Variants in ADCY3 observed in about 807,000 individuals in gnomAD.
ADCY3 encodes the protein adenylate cyclase 3, also known as adenylate cyclase type 3.
In ADCY3, 70 loss-of-function variants were observed where a neutral mutation model predicts 119.4. That is an observed-to-expected ratio of 0.59 (90% CI 0.48 to 0.72). The LOEUF is 0.72. Ranked by LOEUF, ADCY3 falls within the 30% of genes least tolerant of loss-of-function variation. The pLI is 0.00. For synonymous variants in ADCY3, 672 were observed against 621.4 expected (o/e 1.08, Z -1.21); for missense variants, 1,238 against 1,541.6 (o/e 0.80, Z 3.30).
rs1339725706 is a variant in ADCY3 at position 24,898,972 on chromosome 2, C to G, written c.675+19341G>C. Among the ~76,000 whole-genome samples the G allele has an allele frequency of 6.6e-6, 1 of 152,160 alleles. No individual in the cohort carries two copies. The highest frequency in any genetic ancestry group is 2.4e-5 in the African/African-American group (1 of 41,434). On this transcript the variant is annotated intron_variant, in intron 2 of 21. Coordinates refer to ENST00000679454, the MANE Select transcript of ADCY3 (RefSeq NM_004036.5). The surrounding 1 kb of genome is among the most constrained non-coding windows in gnomAD (Gnocchi z 4.3). Reference sequence around the variant, plus strand: ...TCCACCACCATTCTCCCTGTTCTCACCACACAACCACGCACTCAATAGCCT... The same window carrying G: ...TCCACCACCATTCTCCCTGTTCTCAGCACACAACCACGCACTCAATAGCCT...
chr2:24,826,200 G>C (rs895933619), intron 15 of ADCY3, 74 bp from the exon 16 acceptor site: 1 of 1,359,214 alleles, frequency 7.4e-7, no homozygotes, highest in African/African-American at 1.4e-5. Context: ...CCTCCAACTA[G>C]ATGGTGCTGC....
rs1558404258 is a variant in ADCY3 at position 24,825,349 on chromosome 2, TGCG to T, written c.2577+693_2577+695del. 2.1e-4 allele frequency among the ~76,000 whole-genome samples: 18 copies of T among 83,860 alleles called. 2 individuals carry two copies. Among genetic ancestry groups the T allele is most frequent in the African/African-American group, 5.9e-4 (9 of 15,248 alleles). The allele number at this position is 83,860 out of a possible 152,430, so 55.0% of individuals were successfully genotyped here. On this transcript the variant is annotated intron_variant, in intron 16 of 21. Transcript: ENST00000679454. ...GTGGTTGTGGCGGGGGGGGGGGGGGTGCGGGGGGGGTGTCTCACTTTGTCACCC... is the reference window on the plus strand; with the variant it reads ...GTGGTTGTGGCGGGGGGGGGGGGGGTGGGGGGGTGTCTCACTTTGTCACCC...
At chr2:24,840,603 T>TG in intron 6 of ADCY3, 1 of 457,842 alleles carries the variant, frequency 2.2e-6, no homozygotes, top group Admixed American at 2.5e-5. Context: ...CTCCATCCCA[T>TG]GGGGGAGGGG....
chr2:24,914,634 C>T (rs572946166), intron 2 of ADCY3, among the ~76,000 whole-genome samples: 2 of 150,898 alleles, frequency 1.3e-5, no homozygotes, highest in South Asian at 4.2e-4. Context: ...AAGACTGTGC[C>T]ATTGCACTCC....
In ADCY3 at chr2:24,841,046, C is replaced by T. The variant is rs539147085; in HGVS notation, c.1196+213G>A. 2.6e-5 allele frequency among the ~76,000 whole-genome samples: 4 copies of T among 152,350 alleles called. No homozygotes were observed. The highest frequency in any genetic ancestry group is 5.9e-5 in the Non-Finnish European group (4 of 68,030). On this transcript the variant is annotated intron_variant, in intron 6 of 21. Coordinates refer to ENST00000679454, the MANE Select transcript of ADCY3 (RefSeq NM_004036.5). The surrounding 1 kb of genome is among the most constrained non-coding windows in gnomAD (Gnocchi z 5.8). Reference sequence around the variant, plus strand: ...TGTGCCCCACAGGCTGGGGGAGCCTCGCAGGTCCCCTGGGCTGTGAGGAAG... The same window carrying T: ...TGTGCCCCACAGGCTGGGGGAGCCTTGCAGGTCCCCTGGGCTGTGAGGAAG...
rs115581952 is a variant in ADCY3, at chr2:24,878,077, C to A, written c.676-5358G>T. ...TATTTATAGATCTTTTTACAAGTTT[C>A]TTAATCCTAAAGTTTTCCTGGAAAT... On this transcript the variant is annotated intron_variant, in intron 2 of 21. Coordinates refer to ENST00000679454, the MANE Select transcript of ADCY3 (RefSeq NM_004036.5). This position sits in a 1 kb window ranked among gnomAD's most constrained non-coding sequence, Gnocchi z 4.0. The A allele has an allele frequency of 2.2e-3, 602 of 275,902 alleles. 1 individual carries two copies. The highest frequency in any genetic ancestry group is 9.5e-3 in the African/African-American group (427 of 44,778). 17.1% of individuals were successfully genotyped at this position (275,902 alleles called of 1,614,324 possible). A position where few individuals can be genotyped will look rare whatever the true frequency, so the allele number is the denominator to read the frequency against.
At chr2:24,825,998 C>CCTGTGGG (rs766866846) in intron 16 of ADCY3, 47 bp downstream of exon 16, 6 of 1,575,794 alleles carry the variant, frequency 3.8e-6, no homozygotes, top group African/African-American at 1.3e-5. Context: ...CTCAGGAGGC[C>CCTGTGGG]CTGTGGGCTG....
chr2:24,891,310 G>T (rs1415463822), intron 2 of ADCY3, among the ~76,000 whole-genome samples: 1 of 152,130 alleles, frequency 6.6e-6, no homozygotes, highest in Non-Finnish European at 1.5e-5. Context: ...GTTTTAAATT[G>T]AGTAGTGTGA....
In ADCY3 at chr2:24,840,177, T is replaced by C. The variant is rs575890636; in HGVS notation, c.1197-146A>G. The C allele has an allele frequency of 2.8e-4, 321 of 1,153,570 alleles. 1 individual carries two copies. Among genetic ancestry groups the C allele is most frequent in the Non-Finnish European group, 3.6e-4 (297 of 833,832 alleles). The allele number at this position is 1,153,570 out of a possible 1,614,324, so 71.5% of individuals were successfully genotyped here. On this transcript the variant is annotated intron_variant, in intron 6 of 21. Coordinates refer to ENST00000679454, the MANE Select transcript of ADCY3 (RefSeq NM_004036.5). ...AAGGTCCCCACAGCTTGGTGTTGGGTGGGGGGTAAGGCAGGCCAGGGCCAG... is the reference window on the plus strand; with the variant it reads ...AAGGTCCCCACAGCTTGGTGTTGGGCGGGGGGTAAGGCAGGCCAGGGCCAG...
At chr2:24,828,787 C>A (rs756657345) in intron 13 of ADCY3, among the ~76,000 whole-genome samples, 1 of 152,228 alleles carries the variant, frequency 6.6e-6, no homozygotes, top group Admixed American at 6.5e-5. Flanking sequence ...GCAGTTGTTA[C>A]ACCTCCCTAG....
intron 2 of ADCY3, among the ~76,000 whole-genome samples, chr2:24,889,760 C>T (rs1677462654): frequency 1.3e-5 from 2 of 152,236 alleles, no homozygotes; most frequent in Admixed American, 6.5e-5. Context: ...CGCTTGAACC[C>T]GGGAGGCGGA....
Position 24,827,989 on chromosome 2 carries a change from A to T in ADCY3, c.2345T>A (p.Leu782His), listed in dbSNP as rs1160883634. ...GATGGTGGCCACGGCGCCTGCGACG[A>T]GCAGCATGAGCGTGAGCTTCACCAT... is the stretch of plus-strand genomic sequence containing the variant. ...SHMVKLTLML[L>H]VAGAVATINL... The change falls in exon 14 of 22, where the codon CTC (leucine) becomes CAC (histidine). Residue 782 changes from leucine (L) to histidine (H), a missense_variant. Leu to His is a moderately conservative substitution (Grantham distance 99). Around this residue, in one of 7 missense-constraint regions of ADCY3, gnomAD observed 499 missense variants for 571.0 expected, o/e 0.87. Coordinates refer to ENST00000679454, the MANE Select transcript of ADCY3 (RefSeq NM_004036.5). 2 of 1,614,250 alleles carry T rather than the reference A, an allele frequency of 1.2e-6. No individual in the cohort carries two copies. Among genetic ancestry groups the T allele is most frequent in the South Asian group, 2.2e-5 (2 of 91,086 alleles).
chr2:24,888,861 T>C (rs1572999078), intron 2 of ADCY3, among the ~76,000 whole-genome samples: 1 of 152,198 alleles, frequency 6.6e-6, no homozygotes, highest in East Asian at 1.9e-4. Flanking sequence ...ATACAAAAAT[T>C]AGCCGGGCAT....
At chr2:24,903,466 C>T (rs1053203610) in intron 2 of ADCY3, among the ~76,000 whole-genome samples, 2 of 152,176 alleles carry the variant, frequency 1.3e-5, no homozygotes, top group African/African-American at 2.4e-5. Flanking sequence ...CGGGTCTGCG[C>T]TTCCCGGGGG....
intron 3 of ADCY3, among the ~76,000 whole-genome samples, chr2:24,845,796 T>C (rs1671586229): frequency 6.6e-6 from 1 of 152,136 alleles, no homozygotes; most frequent in South Asian, 2.1e-4. Flanking sequence ...CCACAGGCCC[T>C]GAGGTGTAAG....
rs1431888133 is a variant in ADCY3 at position 24,918,534 on chromosome 2, A to G, written c.454T>C (p.Phe152Leu). 2 of 1,613,958 alleles carry G rather than the reference A, an allele frequency of 1.2e-6. No homozygotes were observed. The highest frequency in any genetic ancestry group is 8.5e-7 in the Non-Finnish European group (1 of 1,179,896). The change falls in exon 2 of 22, where the codon TTC becomes CTC. Residue 152 changes from phenylalanine to leucine, a missense_variant. Coordinates refer to ENST00000679454, the MANE Select transcript of ADCY3 (RefSeq NM_004036.5). The surrounding 1 kb of genome is among the most constrained non-coding windows in gnomAD (Gnocchi z 5.4). The part of the protein sequence containing the change: ...VLWLLITAQI[F>L]SYLGLNFARA... Reference sequence around the variant, plus strand: ...GCGAAGTTCAGGCCCAGGTAGGAGAAGATCTGGGCGGTTATGAGCAGCCAC... The same window carrying G: ...GCGAAGTTCAGGCCCAGGTAGGAGAGGATCTGGGCGGTTATGAGCAGCCAC...
rs1286407059 is a variant in ADCY3 at position 24,819,317 on chromosome 2, T to C, written c.*615A>G. ...TGTATTTAACAGAAGATTAAAAATA[T>C]AAATGTAGAAGATCTGTTTATATAT... On this transcript the variant is annotated 3_prime_UTR_variant, in exon 22 of 22. Transcript: ENST00000679454. 6.6e-6 allele frequency: 1 copy of C among 152,500 alleles called. No individual in the cohort carries two copies. The highest frequency in any genetic ancestry group is 1.5e-5 in the Non-Finnish European group (1 of 68,008). The allele number at this position is 152,500 out of a possible 1,614,324, so 9.4% of individuals were successfully genotyped here.
chr2:24,846,727 TG>T (rs1280928676), intron 3 of ADCY3, among the ~76,000 whole-genome samples: 3 of 152,060 alleles, frequency 2.0e-5, no homozygotes, highest in African/African-American at 7.2e-5. Context: ...TACAGGTGCC[TG>T]CCCCCATGCC....
intron 6 of ADCY3, chr2:24,840,647 C>T: frequency 2.4e-6 from 1 of 415,202 alleles, no homozygotes; most frequent in Non-Finnish European, 5.0e-6. Context: ...GTGTTGGTGC[C>T]TGATGTCACC....
Sources: allele counts gnomAD v4.1 joint callset (sites outside exome capture counted in the v4.1 genomes callset), GRCh38; gene constraint gnomAD v4.1.1; regional missense constraint gnomAD v4.1.1; non-coding constraint Gnocchi (gnomAD v3.1); transcripts MANE v1.5; gene names NCBI Gene and HGNC (gene_info 2026-07-23, HGNC 2026-07-21).